The following GPC5 variants were observed in gnomAD, a reference collection of about 807,000 sequenced individuals.
The protein encoded by GPC5 is glypican 5.
A neutral mutation model predicts 53.9 loss-of-function variants in GPC5; 47 were observed. The ratio of observed to expected loss-of-function variants is 0.87; its 90% CI spans 0.69 to 1.11. The LOEUF (loss-of-function observed/expected upper bound fraction) is 1.11. Among genes scored for constraint, GPC5 ranks in the 50% most tolerant of loss-of-function variants. The probability of loss-of-function intolerance (pLI) is 0.00; values close to 1 mark genes in which losing one functional copy is unlikely to be tolerated. For missense variants in GPC5, 748 were observed against 713.1 expected (o/e 1.05, Z -0.56); for synonymous variants, 286 against 263.3 (o/e 1.09, Z -0.84).
chr13:92,818,833 T>C (rs1028958976), intron 7 of GPC5, among the ~76,000 whole-genome samples: 4 of 151,908 alleles, frequency 2.6e-5, no homozygotes, highest in African/African-American at 7.3e-5. Flanking sequence ...AAAGGAAAGA[T>C]TGATTTAAAA....
At chr13:92,621,849 C>T (rs543175889) in intron 7 of GPC5, among the ~76,000 whole-genome samples, 1 of 152,082 alleles carries the variant, frequency 6.6e-6, no homozygotes, top group Non-Finnish European at 1.5e-5. Flanking sequence ...TCTGCACTCT[C>T]CAGCTCAAGC....
chr13:92,790,183 T>C (rs553526148), intron 7 of GPC5, among the ~76,000 whole-genome samples: 61 of 152,160 alleles, frequency 4.0e-4, no homozygotes, highest in Admixed American at 1.1e-3. Context: ...GTTAATCTCC[T>C]TTGGCAACAC....
chr13:92,342,005 A>G (rs530272260), intron 7 of GPC5, among the ~76,000 whole-genome samples: 2 of 152,202 alleles, frequency 1.3e-5, no homozygotes, highest in South Asian at 4.1e-4. Flanking sequence ...CTATTATCCT[A>G]AAGTTTTCAT....
chr13:91,748,551 G>T (rs571385539), intron 4 of GPC5, among the ~76,000 whole-genome samples: 1 of 152,222 alleles, frequency 6.6e-6, no homozygotes. Context: ...TTAAGTGCCT[G>T]TTGGGTACCA....
intron 6 of GPC5, among the ~76,000 whole-genome samples, chr13:91,964,088 A>T (rs1262997610): frequency 1.3e-5 from 2 of 152,146 alleles, no homozygotes; most frequent in Non-Finnish European, 2.9e-5. Flanking sequence ...GTGTGTCCAG[A>T]GTTTTTTCCT....
intron 2 of GPC5, among the ~76,000 whole-genome samples, chr13:91,539,878 A>G (rs763800097): frequency 6.6e-6 from 1 of 152,190 alleles, no homozygotes; most frequent in African/African-American, 2.4e-5. Context: ...TAGGAAAAAA[A>G]AAACCTGACA....
At chr13:91,701,563 G>A (rs1358977932) in intron 3 of GPC5, among the ~76,000 whole-genome samples, 1 of 151,964 alleles carries the variant, frequency 6.6e-6, no homozygotes, top group Non-Finnish European at 1.5e-5. Flanking sequence ...GTGTGTGTGT[G>A]TGTGTGTGTT....
At chr13:91,451,836 T>G (rs1460342720) in intron 2 of GPC5, among the ~76,000 whole-genome samples, 2 of 152,048 alleles carry the variant, frequency 1.3e-5, no homozygotes, top group Non-Finnish European at 2.9e-5. Context: ...CAGGCTGGTC[T>G]TGAACTTCTG....
At chr13:92,307,347 G>A (rs777821676) in intron 7 of GPC5, among the ~76,000 whole-genome samples, 4 of 152,090 alleles carry the variant, frequency 2.6e-5, no homozygotes, top group Admixed American at 1.3e-4. Flanking sequence ...CCAGCTACTC[G>A]GGAGGCTGAG....
intron 7 of GPC5, among the ~76,000 whole-genome samples, chr13:92,772,021 C>T (rs958271336): frequency 6.6e-6 from 1 of 152,036 alleles, no homozygotes; most frequent in African/African-American, 2.4e-5. Flanking sequence ...ATAATGAATT[C>T]CCCCTTTTCT....
chr13:92,327,316 T>G (rs1033963414), intron 7 of GPC5, among the ~76,000 whole-genome samples: 3 of 152,204 alleles, frequency 2.0e-5, no homozygotes, highest in African/African-American at 7.2e-5. Flanking sequence ...CACTTTCCAC[T>G]GTAAAATACT....
chr13:92,385,754 T>TATATATATAC (rs1874668048), intron 7 of GPC5, among the ~76,000 whole-genome samples: 3 of 118,292 alleles, frequency 2.5e-5, no homozygotes, highest in African/African-American at 1.0e-4. Context: ...TATATACACG[T>TATATATATAC]GTATATATAT....
chr13:92,558,860 G>A (rs1292673631), intron 7 of GPC5, among the ~76,000 whole-genome samples: 6 of 151,910 alleles, frequency 3.9e-5, no homozygotes, highest in Non-Finnish European at 8.8e-5. Context: ...TAAACCCCCC[G>A]AAGTGTCTTA....
intron 5 of GPC5, among the ~76,000 whole-genome samples, chr13:91,829,364 C>T (rs1319179951): frequency 6.6e-6 from 1 of 151,970 alleles, no homozygotes; most frequent in Admixed American, 6.6e-5. Context: ...AATGCAGGAA[C>T]ATGGACCGGA....
intron 6 of GPC5, among the ~76,000 whole-genome samples, chr13:92,109,697 T>A (rs1401044255): frequency 6.6e-6 from 1 of 152,200 alleles, no homozygotes; most frequent in Non-Finnish European, 1.5e-5. Context: ...ATTACCGTAG[T>A]CTTTCAGGAC....
At chr13:91,781,179 A>G (rs2037793350) in intron 5 of GPC5, among the ~76,000 whole-genome samples, 1 of 152,186 alleles carries the variant, frequency 6.6e-6, no homozygotes, top group Non-Finnish European at 1.5e-5. Context: ...TGTTGGGATG[A>G]CTTTGTTGTT....
At chr13:91,736,784 T>A (rs917362837) in intron 4 of GPC5, among the ~76,000 whole-genome samples, 1 of 151,204 alleles carries the variant, frequency 6.6e-6, no homozygotes, top group Non-Finnish European at 1.5e-5. Flanking sequence ...AATTGGCTTT[T>A]ATTTGTGATT....
chr13:92,508,434 G>C (rs967246238), intron 7 of GPC5, among the ~76,000 whole-genome samples: 2 of 151,884 alleles, frequency 1.3e-5, no homozygotes, highest in Admixed American at 1.3e-4. Context: ...TTTAATACAA[G>C]AAAAAAATGT....
intron 3 of GPC5, among the ~76,000 whole-genome samples, chr13:91,717,310 A>G (rs2036359356): frequency 6.6e-6 from 1 of 152,132 alleles, no homozygotes; most frequent in Non-Finnish European, 1.5e-5. Context: ...TCATTAGGAG[A>G]TGGGAAGAAC....
Sources: gnomAD v4.1 joint callset for allele counts (sites outside exome capture counted in the v4.1 genomes callset) on GRCh38, gnomAD v4.1.1 for gene constraint, MANE v1.5 for transcripts, NCBI Gene and HGNC (gene_info 2026-07-23, HGNC 2026-07-21) for gene names.